CD226: variants seen among roughly 807,000 people sequenced by gnomAD.
CD226 encodes CD226 antigen.
In CD226, 24 loss-of-function variants were observed where a neutral mutation model predicts 34.9. That is an observed-to-expected ratio of 0.69 (90% CI 0.50 to 0.97). The LOEUF (loss-of-function observed/expected upper bound fraction) is 0.97, where lower values mean the gene tolerates loss of function less well. CD226 is among the 50% of genes least tolerant of loss of function. The pLI, the probability that CD226 is intolerant of heterozygous loss-of-function variation, is 0.00. For missense variants in CD226, 397 were observed against 412.7 expected (o/e 0.96, Z 0.33); for synonymous variants, 148 against 147.4 (o/e 1.00, Z -0.03).
intron 2 of CD226, among the ~76,000 whole-genome samples, chr18:69,919,598 A>AAG (rs1568192967): frequency 6.6e-6 from 1 of 152,218 alleles, no homozygotes; most frequent in Non-Finnish European, 1.5e-5. Context: ...ATAAATGCTG[A>AAG]AGAGACAAAA....
In CD226 at chr18:69,942,667, GGA is replaced by G. The variant is rs369122425; in HGVS notation, c.382+4065_382+4066del. On this transcript the variant is annotated intron_variant, in intron 2 of 5. Transcript: ENST00000582621. ...TGAGCCCCTTTGCTGGTGCATGCAG[GGA>G]GAGAGTCTCACTCTCACAGTGTCTT... 2.2e-3 allele frequency among the ~76,000 whole-genome samples: 340 copies of G among 152,232 alleles called. 1 individual carries two copies. The highest frequency in any genetic ancestry group is 7.7e-3 in the African/African-American group (318 of 41,524).
chr18:69,939,137 C>T (rs1330361849), intron 2 of CD226, among the ~76,000 whole-genome samples: 1 of 152,162 alleles, frequency 6.6e-6, no homozygotes, highest in East Asian at 1.9e-4. Context: ...TCTTCTAAAA[C>T]ATTTTGAGAC....
chr18:69,925,741 G>A (rs576604974), intron 2 of CD226, among the ~76,000 whole-genome samples: 1 of 152,114 alleles, frequency 6.6e-6, no homozygotes, highest in South Asian at 2.1e-4. Flanking sequence ...CCATATGAAC[G>A]ACAGTCCACG....
rs768005426 is a variant in CD226 at position 69,864,389 on chromosome 18, T to C, written c.936A>G (p.Gln312=). Reference sequence around the variant, plus strand: ...TATCCTCTCTTGTATCATCCATGGATTGATTGGTAGGTTGACTGGTAGAGA... The same window carrying C: ...TATCCTCTCTTGTATCATCCATGGACTGATTGGTAGGTTGACTGGTAGAGA... The part of the protein sequence containing the change: ...SPISTSQPTN[Q]SMDDTREDIY... Residue 312 remains glutamine (Q), a synonymous_variant, in exon 6 of 6, where the codon CAA becomes CAG. Coordinates refer to ENST00000582621, the MANE Select transcript of CD226 (RefSeq NM_001303618.2). 2 of 1,613,448 alleles carry C rather than the reference T, an allele frequency of 1.2e-6. No homozygotes were observed. The highest frequency in any genetic ancestry group is 2.2e-5 in the East Asian group (1 of 44,822).
intron 1 of CD226, among the ~76,000 whole-genome samples, chr18:69,955,023 G>A (rs2055884639): frequency 6.6e-6 from 1 of 151,884 alleles, no homozygotes; most frequent in Non-Finnish European, 1.5e-5. Flanking sequence ...AAATATTACT[G>A]GATTTCTCTA....
rs185357373 is a variant in CD226, at chr18:69,853,859, G to A, written c.*10455C>T. The A allele has an allele frequency of 1.3e-4, 20 of 152,184 alleles. No homozygotes were observed. The highest frequency in any genetic ancestry group is 3.6e-4 in the African/African-American group (15 of 41,500). The allele number at this position is 152,184 out of a possible 1,614,324, so 9.4% of individuals were successfully genotyped here. A position where few individuals can be genotyped will look rare whatever the true frequency, so the allele number is the denominator to read the frequency against. On this transcript the variant is annotated 3_prime_UTR_variant, in exon 6 of 6. Transcript: ENST00000582621. ...ATGATCTACTCATCTTCAGTTTGAT[G>A]TCTATACTTCATTTCATATTTATTT... is the stretch of plus-strand genomic sequence containing the variant.
At chr18:69,921,457 T>C (rs890601351) in intron 2 of CD226, among the ~76,000 whole-genome samples, 5 of 152,182 alleles carry the variant, frequency 3.3e-5, no homozygotes, top group African/African-American at 1.2e-4. Context: ...ACACATCTTA[T>C]TGGGCCATTG....
intron 4 of CD226, among the ~76,000 whole-genome samples, chr18:69,868,367 A>G (rs1287818410): frequency 6.6e-6 from 1 of 152,214 alleles, no homozygotes; most frequent in African/African-American, 2.4e-5. Context: ...CTTTGTGAAT[A>G]TCTTGAAAAT....
At chr18:69,880,590 T>C (rs1282125041) in intron 3 of CD226, among the ~76,000 whole-genome samples, 2 of 150,848 alleles carry the variant, frequency 1.3e-5, no homozygotes, top group Non-Finnish European at 2.9e-5. Context: ...AGGGAGATAA[T>C]GGGAGTTGTT....
At chr18:69,868,410 G>T (rs1983280651) in intron 4 of CD226, among the ~76,000 whole-genome samples, 1 of 152,140 alleles carries the variant, frequency 6.6e-6, no homozygotes, top group Non-Finnish European at 1.5e-5. Context: ...AGGTTATGCA[G>T]GAAATGGATA....
intron 2 of CD226, among the ~76,000 whole-genome samples, chr18:69,931,358 T>C (rs1229314540): frequency 6.6e-6 from 1 of 151,266 alleles, no homozygotes; most frequent in African/African-American, 2.4e-5. Flanking sequence ...GTTGTGCACA[T>C]GTACCCTAAA....
chr18:69,865,598 C>A (rs1023340178), intron 5 of CD226, among the ~76,000 whole-genome samples: 1 of 152,118 alleles, frequency 6.6e-6, no homozygotes, highest in Non-Finnish European at 1.5e-5. Flanking sequence ...TATGACAGAG[C>A]ACCAATTTAT....
In CD226 at chr18:69,873,282, T is replaced by G. The variant is rs931168184; in HGVS notation, c.728-36A>C. The G allele has an allele frequency of 4.4e-6, 5 of 1,143,128 alleles. No individual in the cohort carries two copies. In the Admixed American group the frequency reaches 5.4e-5, roughly 12 times the overall value. The allele number at this position is 1,143,128 out of a possible 1,614,324, so 70.8% of individuals were successfully genotyped here. On this transcript the variant is annotated intron_variant, in intron 3 of 5. Transcript: ENST00000582621. ...AAAAAAATATTGTAGGAATTAGGAATTCAGCCAAAGGCAGTAAAAAGTAAG... is the reference window on the plus strand; with the variant it reads ...AAAAAAATATTGTAGGAATTAGGAAGTCAGCCAAAGGCAGTAAAAAGTAAG...
rs563652734 is a variant in CD226, at chr18:69,896,097, C to T, written c.383-52G>A. 7.7e-4 allele frequency: 1,203 copies of T among 1,556,256 alleles called. 3 individuals carry two copies. The highest frequency in any genetic ancestry group is 1.5e-3 in the South Asian group (125 of 84,970). ...TACAGGTTGTCAAATTTTGGGACAC[C>T]CAACTGGAAGATACTTAATCATAAA... On this transcript the variant is annotated intron_variant, in intron 2 of 5. Transcript: ENST00000582621.
chr18:69,895,663 C>G, intron 3 of CD226, 38 bp downstream of exon 3: 1 of 1,525,690 alleles, frequency 6.6e-7, no homozygotes, highest in Non-Finnish European at 9.0e-7. Context: ...CTGGCTTTTT[C>G]CATGTTTGAT....
At chr18:69,915,679 T>C (rs1023573379) in intron 2 of CD226, among the ~76,000 whole-genome samples, 9 of 152,180 alleles carry the variant, frequency 5.9e-5, no homozygotes, top group African/African-American at 1.9e-4. Context: ...AAGTTAGGGA[T>C]GACTTCCATT....
At chr18:69,884,436 G>C (rs1353163303) in intron 3 of CD226, among the ~76,000 whole-genome samples, 1 of 152,086 alleles carries the variant, frequency 6.6e-6, no homozygotes, top group African/African-American at 2.4e-5. Flanking sequence ...CCTTTCTTAG[G>C]GTATTGACTT....
Position 69,862,782 on chromosome 18 carries a change from CAGG to C in CD226, c.*1529_*1531del, listed in dbSNP as rs1302932286. 2.6e-5 allele frequency: 4 copies of C among 152,246 alleles called. No individual in the cohort carries two copies. The East Asian group carries it at 7.7e-4, about 29-fold the overall frequency. The allele number at this position is 152,246 out of a possible 1,614,324, so 9.4% of individuals were successfully genotyped here. ...TACATCTTAGAATCTGTCTAGGCAACAGGAGAATTTGGATTTGCTTTATTTAAG... is the reference window on the plus strand; with the variant it reads ...TACATCTTAGAATCTGTCTAGGCAACAGAATTTGGATTTGCTTTATTTAAG... On this transcript the variant is annotated 3_prime_UTR_variant, in exon 6 of 6. Transcript: ENST00000582621.
chr18:69,897,143 G>A (rs1985347600), intron 2 of CD226, among the ~76,000 whole-genome samples: 1 of 152,122 alleles, frequency 6.6e-6, no homozygotes, highest in African/African-American at 2.4e-5. Flanking sequence ...ATTTCCAGAG[G>A]CTCTGCCAGC....
Sources: allele counts gnomAD v4.1 joint callset (sites outside exome capture counted in the v4.1 genomes callset), GRCh38; gene constraint gnomAD v4.1.1; transcripts MANE v1.5; gene names NCBI Gene and HGNC (gene_info 2026-07-23, HGNC 2026-07-21).